SNED1: variants seen among roughly 807,000 people sequenced by gnomAD.
SNED1 encodes sushi, nidogen and EGF-like domain-containing protein 1.
Under a neutral mutation model 166.7 loss-of-function variants are expected in SNED1, and 81 were observed. That is an observed-to-expected ratio of 0.49 (90% CI 0.41 to 0.58). SNED1 has a LOEUF of 0.58. SNED1 is among the 20% of genes least tolerant of loss of function. The pLI is 0.00. For missense variants in SNED1, 1,604 were observed against 2,000.2 expected (o/e 0.80, Z 3.78); for synonymous variants, 762 against 822.0 (o/e 0.93, Z 1.25).
At chr2:241,078,517 C>T (rs527814784) in intron 27 of SNED1, among the ~76,000 whole-genome samples, 1 of 151,908 alleles carries the variant, frequency 6.6e-6, no homozygotes, top group South Asian at 2.1e-4. Flanking sequence ...TGAAAACATG[C>T]TAAGTGGAAG....
chr2:241,066,571 G>T (rs1487211586), intron 21 of SNED1, among the ~76,000 whole-genome samples: 2 of 151,918 alleles, frequency 1.3e-5, no homozygotes, highest in Non-Finnish European at 2.9e-5. Context: ...GGGTGCTAGA[G>T]GCTCGAGGAA....
At chr2:241,076,635 G>C (rs954290612) in intron 27 of SNED1, among the ~76,000 whole-genome samples, 3 of 152,166 alleles carry the variant, frequency 2.0e-5, no homozygotes, top group African/African-American at 7.2e-5. Flanking sequence ...GCCTAGGCAG[G>C]TGAATCACTT....
chr2:241,051,681 A>G lies in SNED1; in HGVS notation c.1736-63A>G, dbSNP rs1574991532. The G allele has an allele frequency of 7.9e-7, 1 of 1,266,134 alleles. No homozygotes were observed. The highest frequency in any genetic ancestry group is 2.6e-5 in the East Asian group (1 of 38,934). The allele number at this position is 1,266,134 out of a possible 1,614,324, so 78.4% of individuals were successfully genotyped here. On this transcript the variant is annotated intron_variant, in intron 12 of 31. Transcript: ENST00000310397. The surrounding 1 kb of genome is among the most constrained non-coding windows in gnomAD (Gnocchi z 4.7). ...AGGACTGAGGAGATGCCAGGAGGGT[A>G]TAGTGGCTCTGTGGGGCCAGCAGCC...
chr2:241,078,770 T>G (rs1333547567), intron 27 of SNED1, among the ~76,000 whole-genome samples: 1 of 151,802 alleles, frequency 6.6e-6, no homozygotes, highest in African/African-American at 2.4e-5. Flanking sequence ...TTGTACACTT[T>G]GGGTGAATTT....
At position 241,094,636 on chromosome 2, in the gene SNED1, G is replaced by C; in HGVS notation, c.*3000G>C. On this transcript the variant is annotated 3_prime_UTR_variant, in exon 32 of 32. Transcript: ENST00000310397. The surrounding 1 kb of genome is among the most constrained non-coding windows in gnomAD (Gnocchi z 4.3). ...ACGAGTGAACAGTCACATTACTGTTGTGGACCAGGCCTTAGATGAGTTTCT... is the reference window on the plus strand; with the variant it reads ...ACGAGTGAACAGTCACATTACTGTTCTGGACCAGGCCTTAGATGAGTTTCT... 1 of 343,458 alleles carries C rather than the reference G, an allele frequency of 2.9e-6. No individual in the cohort carries two copies. The highest frequency in any genetic ancestry group is 2.3e-5 in the South Asian group (1 of 44,386). 21.3% of individuals were successfully genotyped at this position (343,458 alleles called of 1,614,324 possible). A position where few individuals can be genotyped will look rare whatever the true frequency, so the allele number is the denominator to read the frequency against.
rs949836478 is a variant in SNED1, at chr2:241,048,364, G to A, written c.1323G>A (p.Gly441=). ...GCCTCTCGGCCCCTTGCCACAATGGGGGCACCTGTGTGGATGCGGACCAGG... is the reference window on the plus strand; with the variant it reads ...GCCTCTCGGCCCCTTGCCACAATGGAGGCACCTGTGTGGATGCGGACCAGG... ...DACLSAPCHN[G]GTCVDADQGY... The change falls in exon 9 of 32, where the codon GGG becomes GGA. Residue 441 remains glycine (G), a synonymous_variant. Coordinates refer to ENST00000310397, the MANE Select transcript of SNED1 (RefSeq NM_001080437.3). 1.9e-6 allele frequency: 3 copies of A among 1,611,494 alleles called. No homozygotes were observed. Among genetic ancestry groups the A allele is most frequent in the Non-Finnish European group, 1.7e-6 (2 of 1,179,062 alleles).
chr2:241,029,384 G>A, intron 1 of SNED1, among the ~76,000 whole-genome samples: 1 of 152,218 alleles, frequency 6.6e-6, no homozygotes, highest in Non-Finnish European at 1.5e-5. Flanking sequence ...GCATCTTCTT[G>A]TGTATCCTCC....
chr2:241,059,212 T>C (rs755304282), intron 16 of SNED1, among the ~76,000 whole-genome samples: 2 of 152,148 alleles, frequency 1.3e-5, no homozygotes, highest in Non-Finnish European at 2.9e-5. Context: ...ATAGAAAACA[T>C]ATACAGCCTT....
intron 4 of SNED1, among the ~76,000 whole-genome samples, chr2:241,036,098 G>A (rs1355251720): frequency 2.1e-5 from 3 of 141,216 alleles, no homozygotes; most frequent in Admixed American, 2.1e-4. Flanking sequence ...ATCACGGGGT[G>A]GGGGTTGGGG....
rs1208933411 is a variant in SNED1, at chr2:241,092,966, C to G, written c.*1330C>G. On this transcript the variant is annotated 3_prime_UTR_variant, in exon 32 of 32. Coordinates refer to ENST00000310397, the MANE Select transcript of SNED1 (RefSeq NM_001080437.3). The surrounding 1 kb of genome is among the most constrained non-coding windows in gnomAD (Gnocchi z 4.6). ...CCTGACTCTGCTCAGAGCCAGCATT[C>G]CAGCCACAAAGAGGGCCTCCTTCCT... The G allele has an allele frequency of 1.3e-5, 2 of 152,278 alleles. No homozygotes were observed. Among genetic ancestry groups the G allele is most frequent in the African/African-American group, 4.8e-5 (2 of 41,460 alleles). 9.4% of individuals were successfully genotyped at this position (152,278 alleles called of 1,614,324 possible). A position where few individuals can be genotyped will look rare whatever the true frequency, so the allele number is the denominator to read the frequency against.
intron 1 of SNED1, among the ~76,000 whole-genome samples, chr2:241,029,560 C>T (rs949317058): frequency 1.3e-5 from 2 of 152,244 alleles, no homozygotes; most frequent in Non-Finnish European, 2.9e-5. Flanking sequence ...ACAAACATTC[C>T]AACCATAGCC....
rs189940882 is a variant in SNED1 at position 241,095,461 on chromosome 2, T to C, written c.*3825T>C. 111 of 157,424 alleles carry C rather than the reference T, an allele frequency of 7.1e-4. 1 individual carries two copies. In the Middle Eastern group the frequency reaches 0.033, roughly 47 times the overall value. The allele number at this position is 157,424 out of a possible 1,614,324, so 9.8% of individuals were successfully genotyped here. A position where few individuals can be genotyped will look rare whatever the true frequency, so the allele number is the denominator to read the frequency against. ...TAACTTCTTTTACTCTGCTGTGCACTGAATACCATTATGAAGCAATATACT... is the reference window on the plus strand; with the variant it reads ...TAACTTCTTTTACTCTGCTGTGCACCGAATACCATTATGAAGCAATATACT... On this transcript the variant is annotated 3_prime_UTR_variant, in exon 32 of 32. Transcript: ENST00000310397.
chr2:240,999,496 C>T lies in SNED1; in HGVS notation c.213+446C>T, dbSNP rs1188139683. 6.6e-6 allele frequency among the ~76,000 whole-genome samples: 1 copy of T among 152,202 alleles called. No individual in the cohort carries two copies. The highest frequency in any genetic ancestry group is 1.5e-5 in the Non-Finnish European group (1 of 68,008). ...CTTGGGCCATTTCAGCCCCGCCCCCCGTGGACGCCAGTGCGGCCCAGAGCC... is the reference window on the plus strand; with the variant it reads ...CTTGGGCCATTTCAGCCCCGCCCCCTGTGGACGCCAGTGCGGCCCAGAGCC... On this transcript the variant is annotated intron_variant, in intron 1 of 31. Transcript: ENST00000310397. This position sits in a 1 kb window ranked among gnomAD's most constrained non-coding sequence, Gnocchi z 5.8.
intron 6 of SNED1, among the ~76,000 whole-genome samples, chr2:241,038,153 C>T (rs1459232866): frequency 1.3e-5 from 2 of 152,122 alleles, no homozygotes; most frequent in South Asian, 2.1e-4. Flanking sequence ...ATCAAAGCAC[C>T]GTGACCTGCT....
At chr2:241,040,560 C>A in intron 8 of SNED1, 147 bp downstream of exon 8, 2 of 617,514 alleles carry the variant, frequency 3.2e-6, no homozygotes, top group Non-Finnish European at 5.7e-6. Context: ...GCCCCCTTCC[C>A]ACTCCCCAGC....
rs755085174 is a variant in SNED1 at position 241,073,346 on chromosome 2, G to A, written c.3898G>A (p.Gly1300Ser). The A allele has an allele frequency of 3.2e-5, 51 of 1,572,556 alleles. No homozygotes were observed. The highest frequency in any genetic ancestry group is 4.7e-5 in the South Asian group (4 of 85,266). ...CCTGGCCCTCCAGCTCCCTGAACAC[G>A]GCAGCAAGGACATCGGAAGTGAGTC... ...VSLALQLPEH[G>S]SKDIGNVPGN... Residue 1300 changes from glycine to serine, a missense_variant, in exon 27 of 32, where the codon GGC becomes AGC. This residue lies in a region of SNED1 where 367 missense variants were observed against 379.4 expected (regional missense o/e 0.97). Coordinates refer to ENST00000310397, the MANE Select transcript of SNED1 (RefSeq NM_001080437.3). The surrounding 1 kb of genome is among the most constrained non-coding windows in gnomAD (Gnocchi z 6.6).
chr2:241,067,267 G>A (rs748293507), intron 21 of SNED1, among the ~76,000 whole-genome samples: 1 of 152,240 alleles, frequency 6.6e-6, no homozygotes, highest in Non-Finnish European at 1.5e-5. Flanking sequence ...TGGAGCTTCG[G>A]AGGAGACTGG....
intron 1 of SNED1, among the ~76,000 whole-genome samples, chr2:241,022,800 C>T (rs1317151185): frequency 2.0e-5 from 3 of 152,108 alleles, no homozygotes; most frequent in Non-Finnish European, 4.4e-5. Context: ...TGGTAAGTTG[C>T]ATTTTTCAAG....
In SNED1 at chr2:240,999,530, G is replaced by GGA. The variant is rs1204803350; in HGVS notation, c.213+481_213+482dup. The stretch of plus-strand genomic sequence containing the variant: ...CAGTGCGGCCCAGAGCCAGGAGGCT[G>GGA]GACCCCTTGCCCAGGCGCTCAGGGC... On this transcript the variant is annotated intron_variant, in intron 1 of 31. Transcript: ENST00000310397. The surrounding 1 kb of genome is among the most constrained non-coding windows in gnomAD (Gnocchi z 5.8). 6.6e-6 allele frequency among the ~76,000 whole-genome samples: 1 copy of GGA among 152,202 alleles called. No homozygotes were observed. Among genetic ancestry groups the GGA allele is most frequent in the Non-Finnish European group, 1.5e-5 (1 of 68,006 alleles).
Sources: gnomAD v4.1 joint callset for allele counts (sites outside exome capture counted in the v4.1 genomes callset) on GRCh38, gnomAD v4.1.1 for gene constraint, gnomAD v4.1.1 regional missense constraint, Gnocchi (gnomAD v3.1) non-coding constraint, MANE v1.5 for transcripts, NCBI Gene and HGNC (gene_info 2026-07-23, HGNC 2026-07-21) for gene names.